The following FSTL5 variants were observed in gnomAD, a reference collection of about 807,000 sequenced individuals.
FSTL5 encodes the protein follistatin like 5, also known as follistatin-related protein 5.
A neutral mutation model predicts 89.1 loss-of-function variants in FSTL5; 62 were observed. That is an observed-to-expected ratio of 0.70 (90% CI 0.57 to 0.86). FSTL5 has a LOEUF of 0.86. FSTL5 is among the 40% of genes least tolerant of loss of function. FSTL5 has a pLI of 0.00. For missense variants in FSTL5, 1,057 were observed against 1,001.6 expected (o/e 1.06, Z -0.75); for synonymous variants, 383 against 346.2 (o/e 1.11, Z -1.18).
At chr4:161,490,237 G>T (rs1264315936) in intron 12 of FSTL5, among the ~76,000 whole-genome samples, 1 of 151,986 alleles carries the variant, frequency 6.6e-6, no homozygotes, top group East Asian at 1.9e-4. Flanking sequence ...TTTGAAGATG[G>T]AACATCCGAT....
At chr4:161,622,443 G>A (rs533669038) in intron 7 of FSTL5, among the ~76,000 whole-genome samples, 1 of 151,968 alleles carries the variant, frequency 6.6e-6, no homozygotes, top group African/African-American at 2.4e-5. Context: ...GAAAATTATA[G>A]ACCCTCATGA....
chr4:161,745,429 A>T (rs1393634196), intron 6 of FSTL5, among the ~76,000 whole-genome samples: 1 of 152,220 alleles, frequency 6.6e-6, no homozygotes, highest in East Asian at 1.9e-4. Context: ...TTTTTCTAAC[A>T]TCATATTAGG....
intron 7 of FSTL5, among the ~76,000 whole-genome samples, chr4:161,621,305 C>CAA (rs1009258118): frequency 2.9e-5 from 4 of 139,010 alleles, no homozygotes; most frequent in Non-Finnish European, 6.3e-5. Context: ...CACACACACA[C>CAA]AAACACAAAA....
Position 161,684,128 on chromosome 4 carries a change from A to G in FSTL5, c.728-27634T>C, listed in dbSNP as rs146138602. Among the ~76,000 whole-genome samples the G allele has an allele frequency of 4.0e-4, 61 of 152,206 alleles. 1 individual carries two copies. In the East Asian group the frequency reaches 0.012, roughly 30 times the overall value. ...TCCATGGTACACATGTACACATGGT[A>G]TACAGTAGTATTCCATGGTATACTA... On this transcript the variant is annotated intron_variant, in intron 6 of 15. Transcript: ENST00000306100.
Position 161,386,442 on chromosome 4 carries a change from ATCC to A in FSTL5, c.1846_1848del (p.Gly616del), listed in dbSNP as rs1382513502. ...GCAGCTTCATCTTTATGAAGAATAAATCCAAACCTGAAAAAAATGAAAATCAGA... is the reference window on the plus strand; with the variant it reads ...GCAGCTTCATCTTTATGAAGAATAAAAAACCTGAAAAAAATGAAAATCAGA... On this transcript the variant is annotated inframe_deletion, in exon 16 of 16. Transcript: ENST00000306100. The A allele has an allele frequency of 1.3e-6, 2 of 1,597,062 alleles. No homozygotes were observed. Among genetic ancestry groups the A allele is most frequent in the Admixed American group, 1.8e-5 (1 of 56,914 alleles).
At chr4:161,850,373 T>C (rs1332565566) in intron 4 of FSTL5, among the ~76,000 whole-genome samples, 1 of 142,020 alleles carries the variant, frequency 7.0e-6, no homozygotes, top group African/African-American at 2.5e-5. Flanking sequence ...TTTTAAAACA[T>C]TCAGCCATTT....
chr4:161,417,818 T>C (rs1164697789), intron 15 of FSTL5, among the ~76,000 whole-genome samples: 1 of 152,228 alleles, frequency 6.6e-6, no homozygotes, highest in Non-Finnish European at 1.5e-5. Context: ...GAGATGCTAA[T>C]GGATACATAA....
intron 3 of FSTL5, among the ~76,000 whole-genome samples, chr4:161,941,641 C>T (rs1734589168): frequency 6.6e-6 from 1 of 151,856 alleles, no homozygotes; most frequent in East Asian, 1.9e-4. Context: ...GAGCCCTAAA[C>T]TACATGAAGG....
chr4:162,093,162 G>A (rs960013677), intron 2 of FSTL5, among the ~76,000 whole-genome samples: 5 of 152,052 alleles, frequency 3.3e-5, no homozygotes, highest in Admixed American at 3.3e-4. Context: ...TGGCAAATGA[G>A]AAGCGTAGTG....
chr4:161,718,389 T>G (rs1200177791), intron 6 of FSTL5, among the ~76,000 whole-genome samples: 3 of 152,184 alleles, frequency 2.0e-5, no homozygotes, highest in African/African-American at 7.2e-5. Context: ...ATATTAATTT[T>G]TACTTTAGAT....
At chr4:161,762,497 A>G (rs1487094271) in intron 5 of FSTL5, among the ~76,000 whole-genome samples, 1 of 152,180 alleles carries the variant, frequency 6.6e-6, no homozygotes, top group Non-Finnish European at 1.5e-5. Context: ...AATTCATGAC[A>G]CTGCCAGATT....
chr4:161,655,190 T>G (rs1434066603), intron 7 of FSTL5, among the ~76,000 whole-genome samples: 1 of 152,156 alleles, frequency 6.6e-6, no homozygotes, highest in Non-Finnish European at 1.5e-5. Context: ...TAGATATTAT[T>G]GATAATTATA....
At chr4:161,781,722 G>T (rs1741677020) in intron 4 of FSTL5, among the ~76,000 whole-genome samples, 1 of 152,038 alleles carries the variant, frequency 6.6e-6, no homozygotes, top group South Asian at 2.1e-4. Context: ...AACAAATATT[G>T]AATACCATTA....
intron 2 of FSTL5, among the ~76,000 whole-genome samples, chr4:162,089,236 C>T (rs553661674): frequency 6.6e-6 from 1 of 152,228 alleles, no homozygotes; most frequent in South Asian, 2.1e-4. Flanking sequence ...TTTCAAGTTA[C>T]TTAGTCTCTG....
At position 162,141,156 on chromosome 4, in the gene FSTL5, G is replaced by A. The variant is rs375073328; in HGVS notation, c.-17+22459C>T. ...TTTTGAGACGGAGTTTCGCTCTGTCGCCCAGGCTGGAGTGCAGTGGCGCGA... is the reference window on the plus strand; with the variant it reads ...TTTTGAGACGGAGTTTCGCTCTGTCACCCAGGCTGGAGTGCAGTGGCGCGA... On this transcript the variant is annotated intron_variant, in intron 1 of 15. Transcript: ENST00000306100. Among the ~76,000 whole-genome samples, 6 of 60,720 alleles carry A rather than the reference G, an allele frequency of 9.9e-5. 1 individual carries two copies. The highest frequency in any genetic ancestry group is 2.5e-4 in the Admixed American group (1 of 4,024). 39.8% of individuals were successfully genotyped at this position (60,720 alleles called of 152,430 possible).
chr4:161,732,839 C>A (rs1343987484), intron 6 of FSTL5, among the ~76,000 whole-genome samples: 2 of 150,768 alleles, frequency 1.3e-5, no homozygotes, highest in Non-Finnish European at 3.0e-5. Flanking sequence ...TTAGTCTCTT[C>A]TATTATTCTA....
At chr4:162,114,367 C>T (rs1054060271) in intron 1 of FSTL5, among the ~76,000 whole-genome samples, 2 of 152,108 alleles carry the variant, frequency 1.3e-5, no homozygotes, top group African/African-American at 2.4e-5. Flanking sequence ...CTGTTGTCCA[C>T]GAGGAGAGTC....
At chr4:162,057,099 C>G (rs1391415704) in intron 2 of FSTL5, among the ~76,000 whole-genome samples, 1 of 152,218 alleles carries the variant, frequency 6.6e-6, no homozygotes, top group Non-Finnish European at 1.5e-5. Context: ...GAAGGGACGG[C>G]ACATCCCAGC....
chr4:161,743,717 G>T (rs1740101482), intron 6 of FSTL5, among the ~76,000 whole-genome samples: 1 of 151,976 alleles, frequency 6.6e-6, no homozygotes, highest in African/African-American at 2.4e-5. Context: ...TCCATAAAAT[G>T]CTTACAAATA....
Sources: allele counts gnomAD v4.1 joint callset (sites outside exome capture counted in the v4.1 genomes callset), GRCh38; gene constraint gnomAD v4.1.1; transcripts MANE v1.5; gene names NCBI Gene and HGNC (gene_info 2026-07-23, HGNC 2026-07-21).